Variants in GPR26 observed in about 807,000 individuals in gnomAD.
GPR26 encodes the protein G protein-coupled receptor 26.
GPR26 carries 15 observed loss-of-function variants against 23.1 expected under a neutral mutation model. That is an observed-to-expected ratio of 0.65 (90% confidence interval 0.43 to 1.00). The LOEUF is 1.00. Among genes scored for constraint, GPR26 ranks in the 50% least tolerant of loss-of-function variants. GPR26 has a pLI of 0.00. For missense variants in GPR26, 359 were observed against 470.5 expected (o/e 0.76, Z 2.19); for synonymous variants, 228 against 222.1 (o/e 1.03, Z -0.24).
chr10:123,694,457 T>G lies in GPR26; in HGVS notation c.*6297T>G, dbSNP rs1356713807. On this transcript the variant is annotated 3_prime_UTR_variant, in exon 3 of 3. Coordinates refer to ENST00000284674, the MANE Select transcript of GPR26 (RefSeq NM_153442.4). ...AGTCTTGAGGTTGGGAATATAAGAA[T>G]TAGGTCTCTTTTAGAAAGAGAGGAC... The G allele has an allele frequency of 6.6e-6, 1 of 151,880 alleles. No homozygotes were observed. Among genetic ancestry groups the G allele is most frequent in the African/African-American group, 2.4e-5 (1 of 41,296 alleles). 9.4% of individuals were successfully genotyped at this position (151,880 alleles called of 1,614,324 possible). A position where few individuals can be genotyped will look rare whatever the true frequency, so the allele number is the denominator to read the frequency against.
In GPR26 at chr10:123,674,458, C is replaced by T. The variant is rs958804184; in HGVS notation, c.669-360C>T. 6.6e-6 allele frequency among the ~76,000 whole-genome samples: 1 copy of T among 152,216 alleles called. No homozygotes were observed. The highest frequency in any genetic ancestry group is 1.5e-5 in the Non-Finnish European group (1 of 68,042). ...AGGTAATGTTTAATGTTTCTTTGTA[C>T]TGACTTGGGCACTGTGCCGGTGGCT... is the stretch of plus-strand genomic sequence containing the variant. On this transcript the variant is annotated intron_variant, in intron 1 of 2. Transcript: ENST00000284674. This position sits in a 1 kb window ranked among gnomAD's most constrained non-coding sequence, Gnocchi z 4.1.
At chr10:123,670,254 GCT>G (rs1410816336) in intron 1 of GPR26, among the ~76,000 whole-genome samples, 1 of 152,152 alleles carries the variant, frequency 6.6e-6, no homozygotes, top group Non-Finnish European at 1.5e-5. Flanking sequence ...CAGAATTGTG[GCT>G]CAGTAGACAG....
In GPR26 at chr10:123,688,296, A is replaced by C; in HGVS notation, c.*136A>C. On this transcript the variant is annotated 3_prime_UTR_variant, in exon 3 of 3. Coordinates refer to ENST00000284674, the MANE Select transcript of GPR26 (RefSeq NM_153442.4). ...CAGTGATCCTGGTTCCCTGGCTTGT[A>C]GGGGCTCCAGAGCCTGCTTCCTGGT... 1 of 641,730 alleles carries C rather than the reference A, an allele frequency of 1.6e-6. No homozygotes were observed. The highest frequency in any genetic ancestry group is 1.9e-5 in the South Asian group (1 of 53,886). 39.8% of individuals were successfully genotyped at this position (641,730 alleles called of 1,614,324 possible).
chr10:123,687,353 A>G (rs1845439865), intron 2 of GPR26, among the ~76,000 whole-genome samples: 1 of 152,230 alleles, frequency 6.6e-6, no homozygotes, highest in Non-Finnish European at 1.5e-5. Flanking sequence ...GATCGGAAGC[A>G]AACAATGGGA....
At chr10:123,667,436 T>A (rs1353362887) in intron 1 of GPR26, among the ~76,000 whole-genome samples, 1 of 152,124 alleles carries the variant, frequency 6.6e-6, no homozygotes, top group African/African-American at 2.4e-5. Context: ...CTTCAAAGTG[T>A]TTGATTCTGG....
intron 2 of GPR26, among the ~76,000 whole-genome samples, chr10:123,682,260 T>C (rs1371486343): frequency 6.6e-6 from 1 of 152,180 alleles, no homozygotes; most frequent in Non-Finnish European, 1.5e-5. Flanking sequence ...CAGTAGTTTA[T>C]GTAGCTGGAG....
intron 1 of GPR26, among the ~76,000 whole-genome samples, chr10:123,671,810 T>A (rs1289596529): frequency 1.3e-5 from 2 of 152,216 alleles, no homozygotes; most frequent in Admixed American, 1.3e-4. Context: ...CTTGGGCATG[T>A]TGTAAACTTC....
At position 123,690,173 on chromosome 10, in the gene GPR26, C is replaced by T; in HGVS notation, c.*2013C>T. 1 of 152,148 alleles carries T rather than the reference C, an allele frequency of 6.6e-6. No individual in the cohort carries two copies. The highest frequency in any genetic ancestry group is 2.4e-5 in the African/African-American group (1 of 41,420). 9.4% of individuals were successfully genotyped at this position (152,148 alleles called of 1,614,324 possible). ...TTACAATAGCAACAGACATTTGCTT[C>T]CTGGTGGCAAGTAACTGTGCACCCT... is the stretch of plus-strand genomic sequence containing the variant. On this transcript the variant is annotated 3_prime_UTR_variant, in exon 3 of 3. Transcript: ENST00000284674.
At chr10:123,687,808 G>C in intron 2 of GPR26, 121 bp from the exon 3 acceptor site, 1 of 645,776 alleles carries the variant, frequency 1.5e-6, no homozygotes. Context: ...GGCAGTCTCA[G>C]ATAAATTGAG....
Position 123,666,899 on chromosome 10 carries a change from C to G in GPR26, c.492C>G (p.Asp164Glu), listed in dbSNP as rs557831509. The G allele has an allele frequency of 1.5e-5, 24 of 1,612,504 alleles. No homozygotes were observed. The highest frequency in any genetic ancestry group is 1.7e-4 in the Middle Eastern group (1 of 5,960). Residue 164 changes from aspartate (D) to glutamate (E), a missense_variant, in exon 1 of 3, where the codon GAC becomes GAG. Coordinates refer to ENST00000284674, the MANE Select transcript of GPR26 (RefSeq NM_153442.4). ...GCACGCTGTGCAGCCGGCGGCCAGA[C>G]GAGCGCCTGCGCTTCGCCGTCTTCA... ...ASCTLCSRRP[D>E]ERLRFAVFTG...
rs776767571 is a variant in GPR26, at chr10:123,688,009, C to T, written c.863C>T (p.Ala288Val). Residue 288 changes from alanine (A) to valine (V), a missense_variant, in exon 3 of 3, where the codon GCA (alanine) becomes GTA (valine). Coordinates refer to ENST00000284674, the MANE Select transcript of GPR26 (RefSeq NM_153442.4). ...AAGTGCTTGGCGTACAGCAAGGCCG[C>T]ATCCGACCCCTTTGTGTACTCCTTA... ...LSKCLAYSKA[A>V]SDPFVYSLLR... is the part of the protein sequence containing the mutation. 6.2e-7 allele frequency: 1 copy of T among 1,614,052 alleles called. No homozygotes were observed. Among genetic ancestry groups the T allele is most frequent in the Non-Finnish European group, 8.5e-7 (1 of 1,179,938 alleles).
rs199876285 is a variant in GPR26 at position 123,687,882 on chromosome 10, C to T, written c.783-47C>T. 1.8e-3 allele frequency: 2,479 copies of T among 1,346,708 alleles called. 3 individuals carry two copies. The highest frequency in any genetic ancestry group is 2.5e-3 in the Non-Finnish European group (2,359 of 940,414). The allele number at this position is 1,346,708 out of a possible 1,614,324, so 83.4% of individuals were successfully genotyped here. On this transcript the variant is annotated intron_variant, in intron 2 of 2. Coordinates refer to ENST00000284674, the MANE Select transcript of GPR26 (RefSeq NM_153442.4). Reference sequence around the variant, plus strand: ...GGCCCTGGCCCATGGCCACTCCCAGCGGTGCTTAGCTATGTCCTCATTAAC... The same window carrying T: ...GGCCCTGGCCCATGGCCACTCCCAGTGGTGCTTAGCTATGTCCTCATTAAC...
chr10:123,678,192 C>CG (rs1845330363), intron 2 of GPR26, among the ~76,000 whole-genome samples: 1 of 152,124 alleles, frequency 6.6e-6, no homozygotes, highest in Non-Finnish European at 1.5e-5. Context: ...TATTCACTAG[C>CG]GGAACATTTC....
chr10:123,675,108 T>G (rs543544149), intron 2 of GPR26, among the ~76,000 whole-genome samples, 177 bp downstream of exon 2: 1 of 152,204 alleles, frequency 6.6e-6, no homozygotes, highest in East Asian at 1.9e-4. Context: ...CTCTCCACCC[T>G]CGAATTCTTT....
At chr10:123,667,561 C>CTG (rs71026066) in intron 1 of GPR26, among the ~76,000 whole-genome samples, 12,795 of 124,822 alleles carry the variant, frequency 0.1, 649 homozygotes, top group East Asian at 0.18. Flanking sequence ...TGTCTCACGA[C>CTG]TGTGTGTGTG....
chr10:123,677,853 A>G (rs1845327066), intron 2 of GPR26, among the ~76,000 whole-genome samples: 2 of 152,228 alleles, frequency 1.3e-5, no homozygotes, highest in Non-Finnish European at 2.9e-5. Context: ...ACAGGTGGCT[A>G]CAGGGCACTT....
chr10:123,668,032 G>A (rs1845207814), intron 1 of GPR26, among the ~76,000 whole-genome samples: 1 of 152,146 alleles, frequency 6.6e-6, no homozygotes, highest in Admixed American at 6.5e-5. Flanking sequence ...TCTGTGTCCT[G>A]GGACCCTAGA....
rs1407734477 is a variant in GPR26 at position 123,691,032 on chromosome 10, A to G, written c.*2872A>G. The G allele has an allele frequency of 6.6e-6, 1 of 152,214 alleles. No individual in the cohort carries two copies. Among genetic ancestry groups the G allele is most frequent in the Non-Finnish European group, 1.5e-5 (1 of 68,040 alleles). 9.4% of individuals were successfully genotyped at this position (152,214 alleles called of 1,614,324 possible). On this transcript the variant is annotated 3_prime_UTR_variant, in exon 3 of 3. Transcript: ENST00000284674. ...ATAAGGCCATAAAGGAGGGGCTTTCAAATTCCTAAATCCACATATAGGGCT... is the reference window on the plus strand; with the variant it reads ...ATAAGGCCATAAAGGAGGGGCTTTCGAATTCCTAAATCCACATATAGGGCT...
intron 2 of GPR26, among the ~76,000 whole-genome samples, chr10:123,683,653 C>T (rs1234918269): frequency 6.6e-6 from 1 of 152,178 alleles, no homozygotes; most frequent in Non-Finnish European, 1.5e-5. Flanking sequence ...AGCTTCCTAT[C>T]TCCATCAGCC....
Sources: gnomAD v4.1 joint callset for allele counts (sites outside exome capture counted in the v4.1 genomes callset) on GRCh38, gnomAD v4.1.1 for gene constraint, Gnocchi (gnomAD v3.1) non-coding constraint, MANE v1.5 for transcripts, NCBI Gene and HGNC (gene_info 2026-07-23, HGNC 2026-07-21) for gene names.